CFAP54: variants seen among roughly 807,000 people sequenced by gnomAD.
The protein encoded by CFAP54 is cilia- and flagella-associated protein 54.
CFAP54 carries 290 observed loss-of-function variants against 370.4 expected under a neutral mutation model. The ratio of observed to expected loss-of-function variants is 0.78; its 90% confidence interval spans 0.71 to 0.86. The LOEUF is 0.86. CFAP54 is among the 40% of genes least tolerant of loss of function. The probability of loss-of-function intolerance (pLI) is 0.00; values close to 1 mark genes in which losing one functional copy is unlikely to be tolerated. For missense variants in CFAP54, 3,399 were observed against 3,528.7 expected (o/e 0.96, Z 0.93); for synonymous variants, 1,206 against 1,236.5 (o/e 0.98, Z 0.52).
chr12:96,859,666 A>T (rs1304848389), intron 66 of CFAP54, among the ~76,000 whole-genome samples: 1 of 152,090 alleles, frequency 6.6e-6, no homozygotes, highest in Non-Finnish European at 1.5e-5. Flanking sequence ...TGGCCTCCCA[A>T]AGTGTTGGGA....
chr12:96,708,694 T>C lies in CFAP54; in HGVS notation c.6615T>C (p.Val2205=). 1 of 1,612,494 alleles carries C rather than the reference T, an allele frequency of 6.2e-7. No homozygotes were observed. Among genetic ancestry groups the C allele is most frequent in the Non-Finnish European group, 8.5e-7 (1 of 1,179,496 alleles). The change falls in exon 48 of 68, where the codon GTT becomes GTC. Residue 2205 remains valine (V), a synonymous_variant. Transcript: ENST00000524981. ...QPHLLNKFNF[V]KAYFFLSVAA... The stretch of plus-strand genomic sequence containing the variant: ...ATCTCTTAAATAAGTTTAATTTTGT[T>C]AAAGCATACTTTTTCCTAAGTGTGG...
chr12:96,643,043 G>A (rs568975225), intron 32 of CFAP54, among the ~76,000 whole-genome samples: 4 of 152,248 alleles, frequency 2.6e-5, no homozygotes, highest in Non-Finnish European at 5.9e-5. Context: ...ACCGATTGTT[G>A]ACTCATCTTG....
intron 22 of CFAP54, among the ~76,000 whole-genome samples, 153 bp from the exon 23 acceptor site, chr12:96,589,274 G>T (rs888449381): frequency 6.6e-6 from 1 of 152,174 alleles, no homozygotes; most frequent in Non-Finnish European, 1.5e-5. Context: ...TGGCACTATA[G>T]AACAGAACAG....
At chr12:96,665,816 C>T (rs1485580934) in intron 39 of CFAP54, among the ~76,000 whole-genome samples, 1 of 152,066 alleles carries the variant, frequency 6.6e-6, no homozygotes. Flanking sequence ...TTTTTTGGTT[C>T]CACATGAGTT....
intron 20 of CFAP54, among the ~76,000 whole-genome samples, chr12:96,579,876 T>A (rs1010768490): frequency 6.6e-6 from 1 of 151,732 alleles, no homozygotes; most frequent in Admixed American, 6.6e-5. Context: ...CTAATGTTTT[T>A]ATTTAAAATA....
intron 63 of CFAP54, among the ~76,000 whole-genome samples, chr12:96,802,450 A>G (rs998358564): frequency 3.9e-5 from 6 of 152,090 alleles, no homozygotes; most frequent in Non-Finnish European, 7.4e-5. Flanking sequence ...CTGCCCTACT[A>G]TGGGCAACTG....
Position 96,694,412 on chromosome 12 carries a change from C to T in CFAP54, c.6351+604C>T, listed in dbSNP as rs553316367. Among the ~76,000 whole-genome samples the T allele has an allele frequency of 3.9e-3, 590 of 152,164 alleles. 4 individuals are homozygous for T. Among genetic ancestry groups the T allele is most frequent in the African/African-American group, 0.014 (563 of 41,512 alleles). On this transcript the variant is annotated intron_variant, in intron 45 of 67. Coordinates refer to ENST00000524981, the MANE Select transcript of CFAP54 (RefSeq NM_001306084.2). ...AATTTGTTTTGTACGTGGATAATCT[C>T]AATATCCAACAAATATGCTCCCAGT...
chr12:96,656,469 C>T (rs1171803931), intron 36 of CFAP54, among the ~76,000 whole-genome samples: 1 of 152,220 alleles, frequency 6.6e-6, no homozygotes, highest in Non-Finnish European at 1.5e-5. Flanking sequence ...CCTCCACCTC[C>T]TGGGTTCAAG....
intron 4 of CFAP54, among the ~76,000 whole-genome samples, chr12:96,508,792 C>G (rs1955135666): frequency 6.6e-6 from 1 of 150,988 alleles, no homozygotes; most frequent in African/African-American, 2.4e-5. Flanking sequence ...TTCATTAATT[C>G]TGCCTGCTGA....
chr12:96,733,742 A>G (rs1320962904), intron 50 of CFAP54, among the ~76,000 whole-genome samples: 1 of 152,228 alleles, frequency 6.6e-6, no homozygotes, highest in African/African-American at 2.4e-5. Context: ...GAAATTTTCC[A>G]TTCTGCAACT....
At chr12:96,799,262 A>G (rs1159494289) in intron 63 of CFAP54, among the ~76,000 whole-genome samples, 1 of 152,226 alleles carries the variant, frequency 6.6e-6, no homozygotes, top group Non-Finnish European at 1.5e-5. Context: ...TCACAGAGGG[A>G]CATTCCACCA....
intron 5 of CFAP54, among the ~76,000 whole-genome samples, chr12:96,518,164 T>A (rs930354207): frequency 6.6e-5 from 10 of 152,136 alleles, no homozygotes; most frequent in Non-Finnish European, 1.3e-4. Flanking sequence ...GGTGGTAAAA[T>A]TGGGACCAAA....
intron 1 of CFAP54, among the ~76,000 whole-genome samples, chr12:96,496,712 G>T (rs1954958920): frequency 1.3e-5 from 2 of 151,924 alleles, no homozygotes; most frequent in South Asian, 4.1e-4. Context: ...GTGGGGGAGG[G>T]GTCACAAATA....
intron 66 of CFAP54, among the ~76,000 whole-genome samples, chr12:96,832,002 T>C (rs1437487334): frequency 6.6e-6 from 1 of 152,188 alleles, no homozygotes; most frequent in Non-Finnish European, 1.5e-5. Flanking sequence ...TCTTGAATTG[T>C]AACTCCCACA....
chr12:96,692,850 C>T lies in CFAP54; in HGVS notation c.6265-872C>T, dbSNP rs117923265. 2.0e-5 allele frequency among the ~76,000 whole-genome samples: 3 copies of T among 152,154 alleles called. No homozygotes were observed. The East Asian group carries it at 5.8e-4, about 29-fold the overall frequency. On this transcript the variant is annotated intron_variant, in intron 44 of 67. Transcript: ENST00000524981. ...CTGTGGAGCTATGGGAAATAGTTTG[C>T]TAACTAATGGGGATCCCAATCTCCC... is the stretch of plus-strand genomic sequence containing the variant.
At chr12:96,591,848 G>A (rs7307608) in intron 23 of CFAP54, among the ~76,000 whole-genome samples, 45,589 of 147,834 alleles carry the variant, frequency 0.31, 7,122 homozygotes, top group Non-Finnish European at 0.34. Context: ...TCGAGATCGC[G>A]CCACTGCACT....
intron 6 of CFAP54, among the ~76,000 whole-genome samples, chr12:96,520,226 A>G (rs951036105): frequency 7.9e-5 from 12 of 152,020 alleles, no homozygotes; most frequent in African/African-American, 2.7e-4. Context: ...CTTTCATTTC[A>G]TTTTGATTGA....
At chr12:96,565,058 G>A (rs1955852974) in intron 19 of CFAP54, 1 of 186,474 alleles carries the variant, frequency 5.4e-6, no homozygotes, top group African/African-American at 2.3e-5. Context: ...CACTTTACCA[G>A]CTTAATGTAT....
chr12:96,792,202 T>C, intron 62 of CFAP54, 127 bp from the exon 63 acceptor site: 1 of 807,946 alleles, frequency 1.2e-6, no homozygotes, highest in South Asian at 2.1e-5. Context: ...GGGTTAGTTT[T>C]AAGATTTACC....
Sources: allele counts gnomAD v4.1 joint callset (sites outside exome capture counted in the v4.1 genomes callset), GRCh38; gene constraint gnomAD v4.1.1; transcripts MANE v1.5; gene names NCBI Gene and HGNC (gene_info 2026-07-23, HGNC 2026-07-21).